TENM1: variants seen among roughly 807,000 people sequenced by gnomAD.
TENM1 encodes teneurin transmembrane protein 1.
A neutral mutation model predicts 174.8 loss-of-function variants in TENM1; 35 were observed. That is an observed-to-expected ratio of 0.20 (90% CI 0.15 to 0.27). The LOEUF (loss-of-function observed/expected upper bound fraction) is 0.27, where lower values mean the gene tolerates loss of function less well. Among genes scored for constraint, TENM1 ranks in the 10% least tolerant of loss-of-function variants. TENM1 has a pLI of 1.00. For missense variants in TENM1, 1,633 were observed against 2,130.1 expected (o/e 0.77, Z 4.59); for synonymous variants, 781 against 798.7 (o/e 0.98, Z 0.37).
At chrX:125,190,838 C>G in the TENM1 span, among the ~76,000 whole-genome samples, 1 of 110,151 alleles carries the variant, frequency 9.1e-6, no homozygotes, top group African/African-American at 3.3e-5. Flanking sequence ...GACCTATTAC[C>G]CACCTTTTTC....
chrX:124,385,026 C>T (rs1443578878), intron 29 of TENM1, among the ~76,000 whole-genome samples, 172 bp from the exon 33 acceptor site: 2 of 112,184 alleles, frequency 1.8e-5, no homozygotes, highest in East Asian at 2.8e-4. Flanking sequence ...TATATATTCT[C>T]ATAGTGGTAA....
the TENM1 span, among the ~76,000 whole-genome samples, chrX:125,062,299 A>T: frequency 8.9e-6 from 1 of 111,808 alleles, no homozygotes; most frequent in Non-Finnish European, 1.9e-5. Flanking sequence ...TGACAGAATA[A>T]AGGGGAAATT....
chrX:125,196,817 T>C, the TENM1 span, among the ~76,000 whole-genome samples: 18 of 111,896 alleles, frequency 1.6e-4, no homozygotes, highest in African/African-American at 5.5e-4. Context: ...TAATCATCTC[T>C]TAGGACATTT....
At chrX:124,644,210 C>CATATATATTTTTATATATATATATATAT in intron 10 of TENM1, among the ~76,000 whole-genome samples, 1 of 95,674 alleles carries the variant, frequency 1.0e-5, no homozygotes, top group African/African-American at 3.9e-5. Flanking sequence ...TTTACATATA[C>CATATATATTTTTATATATATATATATAT]ATATATATAT....
At chrX:124,963,791 T>A (rs762802777) in exon 1 of TENM1, 1 of 1,098,856 alleles carries the variant, frequency 9.1e-7, no homozygotes, top group Non-Finnish European at 1.3e-6. Flanking sequence ...AAAAAAAGGA[T>A]GAGGAAGTCC....
chrX:125,203,593 C>G, the TENM1 span, among the ~76,000 whole-genome samples: 215 of 112,567 alleles, frequency 1.9e-3, no homozygotes, highest in African/African-American at 6.1e-3. Context: ...GCCCCATGGC[C>G]GGCGGAGACC....
At chrX:124,667,280 C>G (rs892026329) in intron 6 of TENM1, among the ~76,000 whole-genome samples, 4 of 111,357 alleles carry the variant, frequency 3.6e-5, no homozygotes, top group African/African-American at 1.3e-4. Flanking sequence ...GCAGTTGTTA[C>G]ATAATGTTTA....
intron 3 of TENM1, among the ~76,000 whole-genome samples, chrX:124,845,892 G>A (rs1366730764): frequency 9.1e-6 from 1 of 110,336 alleles, no homozygotes; most frequent in Non-Finnish European, 1.9e-5. Flanking sequence ...CCAGGAACAG[G>A]TTATACAAAG....
chrX:125,141,254 G>A, the TENM1 span, among the ~76,000 whole-genome samples: 1,817 of 111,778 alleles, frequency 0.016, 45 homozygotes, highest in African/African-American at 0.055. Flanking sequence ...GCAGAGTTAG[G>A]GCCAGGCCAT....
chrX:124,552,201 G>T (rs1036581072), intron 14 of TENM1, among the ~76,000 whole-genome samples: 1 of 111,660 alleles, frequency 9.0e-6, no homozygotes, highest in Non-Finnish European at 1.9e-5. Context: ...AAAATGGAAG[G>T]GCTGATCATT....
chrX:124,588,097 G>A (rs2049599431), intron 11 of TENM1, among the ~76,000 whole-genome samples: 1 of 111,827 alleles, frequency 8.9e-6, no homozygotes, highest in Admixed American at 9.5e-5. Flanking sequence ...TGGTGGGACT[G>A]TAAACTAGTT....
chrX:124,605,438 G>C (rs1055033066), intron 11 of TENM1, among the ~76,000 whole-genome samples: 1 of 109,313 alleles, frequency 9.1e-6, no homozygotes, highest in Non-Finnish European at 1.9e-5. Context: ...AGTCAAGGGG[G>C]CAAGAGAATT....
the TENM1 span, among the ~76,000 whole-genome samples, chrX:125,068,642 C>T: frequency 9.0e-6 from 1 of 111,037 alleles, no homozygotes; most frequent in Admixed American, 9.6e-5. Flanking sequence ...CACAGGGGCA[C>T]GGGCTATAAT....
chrX:124,791,311 C>G (rs1320353884), intron 3 of TENM1, among the ~76,000 whole-genome samples: 1 of 111,772 alleles, frequency 8.9e-6, no homozygotes, highest in Non-Finnish European at 1.9e-5. Context: ...TCTCTCAATG[C>G]TTTCTCATAG....
chrX:124,427,075 G>A (rs986841685), intron 23 of TENM1, among the ~76,000 whole-genome samples: 2 of 111,969 alleles, frequency 1.8e-5, no homozygotes, highest in African/African-American at 6.5e-5. Flanking sequence ...GGCTGAGGAA[G>A]AGGAAATGAA....
the TENM1 span, among the ~76,000 whole-genome samples, chrX:125,126,759 GA>G: frequency 9.1e-6 from 1 of 110,097 alleles, no homozygotes; most frequent in East Asian, 2.8e-4. Flanking sequence ...TTAAGTCCCA[GA>G]AGTAGAAATG....
At chrX:124,588,258 A>C (rs2049606628) in intron 11 of TENM1, among the ~76,000 whole-genome samples, 1 of 111,498 alleles carries the variant, frequency 9.0e-6, no homozygotes. Flanking sequence ...TTATTGTGGC[A>C]CTATTCACAA....
chrX:124,830,439 G>T (rs754528926), intron 3 of TENM1, among the ~76,000 whole-genome samples: 2 of 111,940 alleles, frequency 1.8e-5, no homozygotes, highest in South Asian at 7.5e-4. Flanking sequence ...TGAGAGATGG[G>T]TGGCTTTGGG....
At chrX:124,467,180 C>T (rs1310468278) in intron 22 of TENM1, among the ~76,000 whole-genome samples, 1 of 111,621 alleles carries the variant, frequency 9.0e-6, no homozygotes, top group Admixed American at 9.6e-5. Context: ...GTCTAATAAG[C>T]TTTTTGAAAA....
Sources: allele counts gnomAD v4.1 joint callset (sites outside exome capture counted in the v4.1 genomes callset), GRCh38; gene constraint gnomAD v4.1.1; transcripts MANE v1.5; gene names NCBI Gene and HGNC (gene_info 2026-07-23, HGNC 2026-07-21).